MTMR3: variants seen among roughly 807,000 people sequenced by gnomAD.
MTMR3 encodes myotubularin related protein 3, also known as phosphatidylinositol-3,5-bisphosphate 3-phosphatase MTMR3.
MTMR3 carries 32 observed loss-of-function variants against 132.4 expected under a neutral mutation model. The observed-to-expected ratio is 0.24, with a 90% CI of 0.18 to 0.32. The LOEUF (loss-of-function observed/expected upper bound fraction) is 0.32. Ranked by LOEUF, MTMR3 falls within the 10% of genes least tolerant of loss-of-function variation. MTMR3 has a pLI of 1.00. For missense variants in MTMR3, 1,216 were observed against 1,489.6 expected (o/e 0.82, Z 3.02); for synonymous variants, 556 against 550.3 (o/e 1.01, Z -0.14).
At chr22:29,933,694 C>A (rs1229971187) in intron 1 of MTMR3, among the ~76,000 whole-genome samples, 2 of 150,150 alleles carry the variant, frequency 1.3e-5, no homozygotes, top group Non-Finnish European at 3.0e-5. Flanking sequence ...GTTCTTTGCA[C>A]ATAAAGATGA....
chr22:29,957,164 A>G (rs1192351141), intron 2 of MTMR3, 76 bp downstream of exon 2: 2 of 151,494 alleles, frequency 1.3e-5, no homozygotes, highest in Non-Finnish European at 2.9e-5. Flanking sequence ...GGCAAGGAAA[A>G]ATTAATTTAC....
In MTMR3 at chr22:30,026,300, TC is replaced by T. The variant is rs753840961; in HGVS notation, c.*503del. On this transcript the variant is annotated 3_prime_UTR_variant, in exon 20 of 20. Transcript: ENST00000401950. Reference sequence around the variant, plus strand: ...GCTGCTGGGGAGGCTGGAAGCATATTCCCCAAGAGCACTGCCCTGGGCATCA... The same window carrying T: ...GCTGCTGGGGAGGCTGGAAGCATATTCCCAAGAGCACTGCCCTGGGCATCA... 6.3e-6 allele frequency: 1 copy of T among 159,540 alleles called. No individual in the cohort carries two copies. Among genetic ancestry groups the T allele is most frequent in the East Asian group, 1.7e-4 (1 of 5,814 alleles). 9.9% of individuals were successfully genotyped at this position (159,540 alleles called of 1,614,324 possible).
Position 30,016,785 on chromosome 22 carries a change from T to C in MTMR3, c.1674+87T>C, listed in dbSNP as rs141808206. 5.3e-4 allele frequency: 763 copies of C among 1,427,326 alleles called. 11 individuals are homozygous for C. In the African/African-American group the frequency reaches 0.01, roughly 19 times the overall value. The allele number at this position is 1,427,326 out of a possible 1,614,324, so 88.4% of individuals were successfully genotyped here. Reference sequence around the variant, plus strand: ...GAGAGCCTTTTTGAGTAGTGACTGTTTTTGTGAAGACATCTCTACTGTCTC... The same window carrying C: ...GAGAGCCTTTTTGAGTAGTGACTGTCTTTGTGAAGACATCTCTACTGTCTC... On this transcript the variant is annotated intron_variant, in intron 15 of 19. Transcript: ENST00000401950.
intron 1 of MTMR3, among the ~76,000 whole-genome samples, chr22:29,924,346 A>G (rs1265341420): frequency 6.6e-6 from 1 of 152,164 alleles, no homozygotes. Context: ...TGGTCTTGGT[A>G]TCCTTGTTGA....
intron 1 of MTMR3, among the ~76,000 whole-genome samples, chr22:29,914,068 A>T (rs1254585656): frequency 1.3e-5 from 2 of 152,154 alleles, no homozygotes; most frequent in Non-Finnish European, 1.5e-5. Flanking sequence ...GGCTATTACG[A>T]ATAAATCTCC....
rs371879943 is a variant in MTMR3 at position 30,028,676 on chromosome 22, G to A, written c.*2875G>A. On this transcript the variant is annotated 3_prime_UTR_variant, in exon 20 of 20. Coordinates refer to ENST00000401950, the MANE Select transcript of MTMR3 (RefSeq NM_021090.4). ...AGTGACCTGCTCAGAGCTCCCCAGAGGCCTTCACTCTTTGGGGCAGTCTCT... is the reference window on the plus strand; with the variant it reads ...AGTGACCTGCTCAGAGCTCCCCAGAAGCCTTCACTCTTTGGGGCAGTCTCT... 6.6e-6 allele frequency: 1 copy of A among 152,462 alleles called. No individual in the cohort carries two copies. Among genetic ancestry groups the A allele is most frequent in the African/African-American group, 2.4e-5 (1 of 41,570 alleles). 9.4% of individuals were successfully genotyped at this position (152,462 alleles called of 1,614,324 possible).
chr22:29,897,248 T>C (rs1394355327), intron 1 of MTMR3, among the ~76,000 whole-genome samples: 1 of 151,900 alleles, frequency 6.6e-6, no homozygotes, highest in African/African-American at 2.4e-5. Context: ...AGCTAATTTT[T>C]GTATTTTTAG....
At chr22:29,963,335 A>C (rs112200398) in intron 2 of MTMR3, among the ~76,000 whole-genome samples, 1 of 150,526 alleles carries the variant, frequency 6.6e-6, no homozygotes, top group Non-Finnish European at 1.5e-5. Flanking sequence ...TGCTGACTAC[A>C]TCTTTTCAAA....
intron 1 of MTMR3, among the ~76,000 whole-genome samples, chr22:29,932,830 A>G (rs890425884): frequency 3.9e-5 from 6 of 152,100 alleles, no homozygotes; most frequent in Admixed American, 6.5e-5. Context: ...TTCTTCACCA[A>G]TTGTTTACAT....
intron 2 of MTMR3, among the ~76,000 whole-genome samples, chr22:29,959,669 G>C (rs1453996119): frequency 6.6e-6 from 1 of 152,056 alleles, no homozygotes; most frequent in Non-Finnish European, 1.5e-5. Context: ...GTGTGCCACT[G>C]TGCTGGCCAG....
At chr22:29,996,319 T>C (rs1418357880) in intron 7 of MTMR3, 2 of 152,222 alleles carry the variant, frequency 1.3e-5, no homozygotes, top group Non-Finnish European at 2.9e-5. Flanking sequence ...TGCTAGTCAG[T>C]ATATATTTCT....
intron 1 of MTMR3, among the ~76,000 whole-genome samples, chr22:29,939,213 A>G (rs566383959): frequency 6.6e-6 from 1 of 152,302 alleles, no homozygotes; most frequent in South Asian, 2.1e-4. Context: ...TTTAAAATAA[A>G]CTGTTTTACA....
intron 19 of MTMR3, chr22:30,023,368 T>C: frequency 1.5e-6 from 2 of 1,332,672 alleles, no homozygotes; most frequent in Admixed American, 3.4e-5. Context: ...GTAATGATGC[T>C]TCTAGGACAT....
At chr22:29,910,028 G>A (rs1402381380) in intron 1 of MTMR3, among the ~76,000 whole-genome samples, 1 of 152,100 alleles carries the variant, frequency 6.6e-6, no homozygotes, top group Non-Finnish European at 1.5e-5. Flanking sequence ...ATGGTGGTGG[G>A]TGCCTGTAGT....
chr22:30,009,159 C>T, intron 12 of MTMR3, 30 bp downstream of exon 12: 4 of 1,459,904 alleles, frequency 2.7e-6, no homozygotes, highest in South Asian at 2.3e-5. Context: ...TTTCATTTTG[C>T]ATTGCTCTTA....
At chr22:29,885,954 G>A (rs546786373) in intron 1 of MTMR3, among the ~76,000 whole-genome samples, 1 of 152,142 alleles carries the variant, frequency 6.6e-6, no homozygotes, top group African/African-American at 2.4e-5. Context: ...GAAGGGCTTT[G>A]GTAAATATCC....
chr22:29,900,716 T>TA (rs1001110996), intron 1 of MTMR3, among the ~76,000 whole-genome samples: 1 of 152,112 alleles, frequency 6.6e-6, no homozygotes, highest in Non-Finnish European at 1.5e-5. Context: ...GCCTGTGCTT[T>TA]AAAAAAAATT....
intron 1 of MTMR3, among the ~76,000 whole-genome samples, chr22:29,885,767 G>C (rs1451079854): frequency 6.6e-6 from 1 of 152,206 alleles, no homozygotes; most frequent in African/African-American, 2.4e-5. Context: ...GCCATGAGGA[G>C]TGGTAAAGTC....
In MTMR3 at chr22:29,959,683, C is replaced by T. The variant is rs534442850; in HGVS notation, c.-85+2595C>T. Among the ~76,000 whole-genome samples the T allele has an allele frequency of 4.0e-5, 6 of 151,852 alleles. 1 individual carries two copies. The highest frequency in any genetic ancestry group is 4.2e-4 in the South Asian group (2 of 4,808). On this transcript the variant is annotated intron_variant, in intron 2 of 19. Transcript: ENST00000401950. ...TGTGTGCCACTGTGCTGGCCAGAAA[C>T]GTAGTAACATATTACTTGGCTCTGT...
Sources: gnomAD v4.1 joint callset for allele counts (sites outside exome capture counted in the v4.1 genomes callset) on GRCh38, gnomAD v4.1.1 for gene constraint, MANE v1.5 for transcripts, NCBI Gene and HGNC (gene_info 2026-07-23, HGNC 2026-07-21) for gene names.